The following ANKS1B variants were observed in gnomAD, a reference collection of about 807,000 sequenced individuals.
The protein encoded by ANKS1B is ankyrin repeat and sterile alpha motif domain containing 1B.
ANKS1B carries 36 observed loss-of-function variants against 148.3 expected under a neutral mutation model. The observed-to-expected ratio is 0.24, with a 90% confidence interval of 0.19 to 0.32. ANKS1B has a LOEUF of 0.32. ANKS1B is among the 10% of genes least tolerant of loss of function. ANKS1B has a pLI of 1.00. For missense variants in ANKS1B, 1,157 were observed against 1,542.6 expected (o/e 0.75, Z 4.19); for synonymous variants, 542 against 560.8 (o/e 0.97, Z 0.47).
chr12:99,484,246 T>C (rs1397030300), intron 10 of ANKS1B, among the ~76,000 whole-genome samples: 1 of 152,076 alleles, frequency 6.6e-6, no homozygotes, highest in South Asian at 2.1e-4. Flanking sequence ...TTAATTTCAT[T>C]GTTAGCTCAG....
intron 17 of ANKS1B, among the ~76,000 whole-genome samples, chr12:98,850,711 C>G (rs1643013): frequency 1.3e-5 from 2 of 151,654 alleles, no homozygotes; most frequent in Non-Finnish European, 2.9e-5. Context: ...TCGTGATCCG[C>G]CCGCCTCAGC....
intron 1 of ANKS1B, among the ~76,000 whole-genome samples, chr12:99,934,680 T>C (rs1030336064): frequency 1.3e-5 from 2 of 152,140 alleles, no homozygotes; most frequent in African/African-American, 4.8e-5. Context: ...GGTTTCCCAA[T>C]TTTGTTTATC....
chr12:98,853,399 G>A (rs1025827457), intron 17 of ANKS1B, among the ~76,000 whole-genome samples: 2 of 152,118 alleles, frequency 1.3e-5, no homozygotes, highest in African/African-American at 4.8e-5. Context: ...CACCACCGAG[G>A]GCCCATGGAG....
Position 99,825,381 on chromosome 12 carries a change from C to T in ANKS1B, c.143G>A (p.Arg48Gln), listed in dbSNP as rs2083055856. The T allele has an allele frequency of 1.9e-6, 3 of 1,609,728 alleles. No homozygotes were observed. Among genetic ancestry groups the T allele is most frequent in the Non-Finnish European group, 2.5e-6 (3 of 1,177,964 alleles). Residue 48 changes from arginine to glutamine, a missense_variant, in exon 2 of 27, where the codon CGA (arginine) becomes CAA (glutamine). Coordinates refer to ENST00000683438, the MANE Select transcript of ANKS1B (RefSeq NM_001352186.2). ...LPLSNLLSIW[R>Q]GPNVNCTDSS... ...GTCTGTGCAGTTCACATTGGGGCCT[C>T]GCCAGATGCTGCAAATAAAGCACAA... is the stretch of plus-strand genomic sequence containing the variant.
intron 12 of ANKS1B, among the ~76,000 whole-genome samples, chr12:99,399,288 C>T (rs932767329): frequency 2.6e-5 from 4 of 152,066 alleles, no homozygotes; most frequent in Admixed American, 6.6e-5. Flanking sequence ...ATAAGTTCTC[C>T]GGCTTCAAAG....
At chr12:99,941,233 T>C (rs577320887) in intron 1 of ANKS1B, among the ~76,000 whole-genome samples, 3 of 152,140 alleles carry the variant, frequency 2.0e-5, no homozygotes, top group East Asian at 1.9e-4. Context: ...ACAGAAGACC[T>C]TGAAAAGTCA....
intron 9 of ANKS1B, among the ~76,000 whole-genome samples, chr12:99,627,454 T>A (rs1390794248): frequency 6.6e-6 from 1 of 152,192 alleles, no homozygotes; most frequent in Non-Finnish European, 1.5e-5. Context: ...ATTATCCTCA[T>A]TTTACAGATG....
chr12:99,399,530 A>C, intron 12 of ANKS1B, 101 bp downstream of exon 12: 1 of 1,295,048 alleles, frequency 7.7e-7, no homozygotes, highest in Non-Finnish European at 1.1e-6. Flanking sequence ...GTGAACTAAA[A>C]ACACAATGCA....
At chr12:98,979,182 A>G (rs1398850204) in intron 17 of ANKS1B, among the ~76,000 whole-genome samples, 1 of 151,810 alleles carries the variant, frequency 6.6e-6, no homozygotes, top group Non-Finnish European at 1.5e-5. Flanking sequence ...AAAGTATTTT[A>G]TATTTATCCA....
intron 9 of ANKS1B, among the ~76,000 whole-genome samples, chr12:99,505,447 C>CT (rs2096701078): frequency 6.6e-6 from 1 of 151,750 alleles, no homozygotes; most frequent in Non-Finnish European, 1.5e-5. Flanking sequence ...CTAAGGTACT[C>CT]TTTTCAGGTT....
intron 8 of ANKS1B, among the ~76,000 whole-genome samples, chr12:99,748,219 C>G (rs141543545): frequency 1.3e-5 from 2 of 152,066 alleles, no homozygotes; most frequent in African/African-American, 4.8e-5. Flanking sequence ...TTAATATCTA[C>G]CATGAACACC....
chr12:99,627,198 G>A (rs997703077), intron 9 of ANKS1B, among the ~76,000 whole-genome samples: 1 of 152,090 alleles, frequency 6.6e-6, no homozygotes, highest in Non-Finnish European at 1.5e-5. Flanking sequence ...GACATATGCA[G>A]AAAACAACAT....
chr12:99,408,043 C>T (rs1176908164), intron 11 of ANKS1B, among the ~76,000 whole-genome samples: 2 of 145,396 alleles, frequency 1.4e-5, no homozygotes, highest in East Asian at 3.9e-4. Context: ...AGAGAATAAG[C>T]CATCATGAGC....
chr12:98,957,357 ATTTATTTT>A (rs1341585402), intron 17 of ANKS1B, among the ~76,000 whole-genome samples: 2 of 120,776 alleles, frequency 1.7e-5, no homozygotes, highest in Non-Finnish European at 3.4e-5. Flanking sequence ...TTATTTATTT[ATTTATTTT>A]GAGACGGAGT....
chr12:99,405,430 TTTGC>T (rs1411833682), intron 11 of ANKS1B, among the ~76,000 whole-genome samples: 2 of 146,186 alleles, frequency 1.4e-5, no homozygotes, highest in African/African-American at 5.2e-5. Flanking sequence ...TAGTTTTTCC[TTTGC>T]TTGTTTGTTT....
chr12:99,493,489 G>GAAGTGTTACAAGGGAA (rs2096574028), intron 10 of ANKS1B, among the ~76,000 whole-genome samples: 1 of 152,152 alleles, frequency 6.6e-6, no homozygotes, highest in African/African-American at 2.4e-5. Context: ...AATAGTCCAG[G>GAAGTGTTACAAGGGAA]ACAGTTATTG....
At chr12:99,931,050 G>A (rs1042088218) in intron 1 of ANKS1B, among the ~76,000 whole-genome samples, 1 of 152,186 alleles carries the variant, frequency 6.6e-6, no homozygotes, top group Admixed American at 6.5e-5. Flanking sequence ...TAGGGACATG[G>A]ATGAAACTGG....
At chr12:99,791,280 A>G (rs2065622016) in intron 4 of ANKS1B, among the ~76,000 whole-genome samples, 1 of 152,024 alleles carries the variant, frequency 6.6e-6, no homozygotes, top group Non-Finnish European at 1.5e-5. Context: ...ATATAAAGCA[A>G]ATATTATTAG....
intron 19 of ANKS1B, among the ~76,000 whole-genome samples, chr12:98,822,675 C>CCAG (rs2099207805): frequency 6.6e-6 from 1 of 152,152 alleles, no homozygotes; most frequent in South Asian, 2.1e-4. Flanking sequence ...TGGTTAAGCA[C>CCAG]CAGCACATGG....
Sources: allele counts gnomAD v4.1 joint callset (sites outside exome capture counted in the v4.1 genomes callset), GRCh38; gene constraint gnomAD v4.1.1; transcripts MANE v1.5; gene names NCBI Gene and HGNC (gene_info 2026-07-23, HGNC 2026-07-21).